The following HMGCLL1 variants were observed in gnomAD, a reference collection of about 807,000 sequenced individuals.
The protein encoded by HMGCLL1 is 3-hydroxy-3-methylglutaryl-CoA lyase like 1.
HMGCLL1 carries 36 observed loss-of-function variants against 39.1 expected under a neutral mutation model. That is an observed-to-expected ratio of 0.92 (90% CI 0.71 to 1.22). The LOEUF is 1.22. Among genes scored for constraint, HMGCLL1 ranks in the 50% most tolerant of loss-of-function variants. The pLI is 0.00. For synonymous variants in HMGCLL1, 149 were observed against 144.0 expected (o/e 1.03, Z -0.25); for missense variants, 451 against 416.5 (o/e 1.08, Z -0.72).
the HMGCLL1 span, among the ~76,000 whole-genome samples, chr6:55,601,260 C>G: frequency 2.0e-5 from 3 of 152,062 alleles, no homozygotes; most frequent in Admixed American, 2.0e-4. Flanking sequence ...TTTCCAGCAT[C>G]TACAGTCAGT....
intron 3 of HMGCLL1, among the ~76,000 whole-genome samples, chr6:55,533,928 T>C (rs1768852521): frequency 6.7e-6 from 1 of 149,446 alleles, no homozygotes; most frequent in African/African-American, 2.5e-5. Context: ...TGAAAAGATG[T>C]CAGTACAGAG....
chr6:55,479,643 A>G (rs977514526), intron 7 of HMGCLL1, among the ~76,000 whole-genome samples: 2 of 151,636 alleles, frequency 1.3e-5, no homozygotes, highest in Non-Finnish European at 1.5e-5. Context: ...AGAACAATGT[A>G]GACACTCACT....
At chr6:55,561,580 G>A (rs746662767) in intron 1 of HMGCLL1, among the ~76,000 whole-genome samples, 13 of 152,168 alleles carry the variant, frequency 8.5e-5, no homozygotes, top group Non-Finnish European at 1.5e-4. Context: ...TGGTGATGCC[G>A]CTGATCCAAG....
chr6:55,586,301 G>C, the HMGCLL1 span, among the ~76,000 whole-genome samples: 58 of 151,924 alleles, frequency 3.8e-4, no homozygotes, highest in Non-Finnish European at 7.8e-4. Context: ...GGTAGACAGA[G>C]CCTATCATGA....
chr6:55,498,498 T>C (rs1278065747), intron 6 of HMGCLL1, among the ~76,000 whole-genome samples: 2 of 152,094 alleles, frequency 1.3e-5, no homozygotes, highest in Admixed American at 1.3e-4. Context: ...AAATTTGGAT[T>C]TTCTTATAAG....
the HMGCLL1 span, among the ~76,000 whole-genome samples, chr6:55,613,257 C>G: frequency 6.6e-6 from 1 of 152,184 alleles, no homozygotes; most frequent in Non-Finnish European, 1.5e-5. Flanking sequence ...CCATCTCACA[C>G]CAGTCAGAAT....
At chr6:55,579,589 T>G (rs1169653168), upstream of HMGCLL1, among the ~76,000 whole-genome samples, 1 of 152,128 alleles carries the variant, frequency 6.6e-6, no homozygotes, top group African/African-American at 2.4e-5. Flanking sequence ...TTTAAAAATG[T>G]TTTTGAGGCA....
At chr6:55,621,897 C>A in the HMGCLL1 span, among the ~76,000 whole-genome samples, 21,069 of 151,796 alleles carry the variant, frequency 0.14, 2,043 homozygotes, top group East Asian at 0.37. Flanking sequence ...TCCTTCTAGA[C>A]CCAGTTTTTT....
At chr6:55,519,033 G>T (rs563710138) in intron 3 of HMGCLL1, among the ~76,000 whole-genome samples, 1 of 152,270 alleles carries the variant, frequency 6.6e-6, no homozygotes, top group Admixed American at 6.5e-5. Flanking sequence ...GGCTAGAGAA[G>T]ATTAGTAGTG....
the HMGCLL1 span, among the ~76,000 whole-genome samples, chr6:55,627,921 A>AGTATATATACTATATATATATT: frequency 9.4e-4 from 2 of 2,118 alleles, no homozygotes; most frequent in Non-Finnish European, 9.2e-4. Context: ...ATATATATAT[A>AGTATATATACTATATATATATT]ATATATATAC....
chr6:55,482,068 A>G (rs1019604747), intron 7 of HMGCLL1, among the ~76,000 whole-genome samples: 8 of 152,138 alleles, frequency 5.3e-5, no homozygotes, highest in Admixed American at 3.3e-4. Flanking sequence ...CTTCCCACTT[A>G]TATGAACTCA....
At chr6:55,601,916 T>A in the HMGCLL1 span, among the ~76,000 whole-genome samples, 1 of 152,172 alleles carries the variant, frequency 6.6e-6, no homozygotes, top group Admixed American at 6.6e-5. Context: ...ATTACTTTTC[T>A]ACGCACTTGT....
At chr6:55,589,307 G>C in the HMGCLL1 span, among the ~76,000 whole-genome samples, 4 of 151,220 alleles carry the variant, frequency 2.6e-5, no homozygotes, top group African/African-American at 7.2e-5. Context: ...CAAAAACCAC[G>C]ATTATCTCAA....
the HMGCLL1 span, among the ~76,000 whole-genome samples, chr6:55,656,074 C>G: frequency 6.6e-6 from 1 of 151,992 alleles, no homozygotes; most frequent in Non-Finnish European, 1.5e-5. Flanking sequence ...CTACTGAACT[C>G]ATGATTTAGA....
chr6:55,633,328 A>G, the HMGCLL1 span, among the ~76,000 whole-genome samples: 3 of 151,898 alleles, frequency 2.0e-5, no homozygotes, highest in Non-Finnish European at 2.9e-5. Context: ...GGGGTAGTCA[A>G]ATATGGTTGG....
intron 7 of HMGCLL1, among the ~76,000 whole-genome samples, chr6:55,477,211 T>TTATATTATAATATATAATA (rs1765373758): frequency 5.1e-5 from 1 of 19,616 alleles, no homozygotes; most frequent in African/African-American, 4.0e-4. Context: ...ATAATATATA[T>TTATATTATAATATATAATA]TATATTATAA....
chr6:55,633,986 T>G, the HMGCLL1 span, among the ~76,000 whole-genome samples: 1 of 152,130 alleles, frequency 6.6e-6, no homozygotes, highest in Non-Finnish European at 1.5e-5. Context: ...TCAAATAAAT[T>G]TTGTATTCTT....
intron 6 of HMGCLL1, among the ~76,000 whole-genome samples, chr6:55,496,133 TA>T (rs1462211249): frequency 2.6e-5 from 4 of 152,094 alleles, no homozygotes; most frequent in African/African-American, 9.7e-5. Context: ...CGTGATTTTT[TA>T]AAAAATAACT....
chr6:55,477,390 TATA>T (rs1765484382), intron 7 of HMGCLL1, among the ~76,000 whole-genome samples: 1 of 33,426 alleles, frequency 3.0e-5, no homozygotes, highest in South Asian at 7.0e-4. Flanking sequence ...ATTATCTAAA[TATA>T]ATATATATTA....
Sources: allele counts gnomAD v4.1 joint callset (sites outside exome capture counted in the v4.1 genomes callset), GRCh38; gene constraint gnomAD v4.1.1; transcripts MANE v1.5; gene names NCBI Gene and HGNC (gene_info 2026-07-23, HGNC 2026-07-21).